Variants in GMDS observed in about 807,000 individuals in gnomAD.
The protein encoded by GMDS is GDP-mannose 4,6 dehydratase.
In GMDS, 20 loss-of-function variants were observed where a neutral mutation model predicts 49.9. The observed-to-expected ratio is 0.40, with a 90% CI of 0.28 to 0.58. GMDS has a LOEUF of 0.58. GMDS is among the 20% of genes least tolerant of loss of function. The pLI is 0.42. For missense variants in GMDS, 362 were observed against 481.4 expected, an observed-to-expected ratio of 0.75 and a Z score of 2.32; for synonymous variants, 177 against 178.6, an observed-to-expected ratio of 0.99 and a Z score of 0.07.
At chr6:2,158,844 C>A (rs992375829) in intron 1 of GMDS, among the ~76,000 whole-genome samples, 1 of 152,196 alleles carries the variant, frequency 6.6e-6, no homozygotes, top group African/African-American at 2.4e-5. Context: ...ACAGTGTCCA[C>A]GGTGGTTAAT....
intron 7 of GMDS, among the ~76,000 whole-genome samples, chr6:1,923,187 A>G (rs1202239972): frequency 6.6e-6 from 1 of 152,194 alleles, no homozygotes; most frequent in African/African-American, 2.4e-5. Flanking sequence ...TATCAGCAGC[A>G]TGAGAACGGA....
intron 4 of GMDS, among the ~76,000 whole-genome samples, chr6:2,066,483 A>G (rs1294663545): frequency 6.6e-6 from 1 of 151,648 alleles, no homozygotes; most frequent in Non-Finnish European, 1.5e-5. Context: ...AAATTGGATA[A>G]AGAGTCAAGA....
At chr6:2,244,637 C>A (rs939080743) in intron 1 of GMDS, among the ~76,000 whole-genome samples, 1 of 152,202 alleles carries the variant, frequency 6.6e-6, no homozygotes, top group Non-Finnish European at 1.5e-5. Context: ...CCTTACTCGA[C>A]GAACTTATTC....
intron 1 of GMDS, among the ~76,000 whole-genome samples, chr6:2,240,602 A>C (rs1781568879): frequency 1.1e-5 from 1 of 88,136 alleles, no homozygotes; most frequent in Admixed American, 9.8e-5. Flanking sequence ...AGACTGTCTC[A>C]AAAAAAAAAA....
chr6:1,969,289 A>AAAAAAAAAAAAG lies in GMDS; in HGVS notation c.346-8324_346-8323insCTTTTTTTTTTT, dbSNP rs56095985. On this transcript the variant is annotated intron_variant, in intron 4 of 10. Transcript: ENST00000380815. ...AAAAAAAAAAAAAAAAAAAAAAAAAAAGAGAAAGAAAGAAAAAAAGAAATT... is the reference window on the plus strand; with the variant it reads ...AAAAAAAAAAAAAAAAAAAAAAAAAAAAAAAAAAAAAGAGAGAAAGAAAGAAAAAAAGAAATT... Among the ~76,000 whole-genome samples, 161 of 84,338 alleles carry AAAAAAAAAAAAG rather than the reference A, an allele frequency of 1.9e-3. 8 individuals are homozygous for AAAAAAAAAAAAG. The highest frequency in any genetic ancestry group is 2.8e-3 in the East Asian group (7 of 2,512). The allele number at this position is 84,338 out of a possible 152,430, so 55.3% of individuals were successfully genotyped here.
At chr6:2,039,873 T>C (rs1253944640) in intron 4 of GMDS, among the ~76,000 whole-genome samples, 1 of 152,168 alleles carries the variant, frequency 6.6e-6, no homozygotes, top group African/African-American at 2.4e-5. Context: ...CATAAACTAG[T>C]AGTATAGTCA....
intron 9 of GMDS, among the ~76,000 whole-genome samples, chr6:1,683,813 C>T (rs1764877980): frequency 6.6e-6 from 1 of 152,220 alleles, no homozygotes; most frequent in Non-Finnish European, 1.5e-5. Flanking sequence ...CAGGTAATCA[C>T]ACTGCACCTG....
chr6:2,161,231 G>T (rs57230788), intron 1 of GMDS, among the ~76,000 whole-genome samples: 2 of 151,660 alleles, frequency 1.3e-5, no homozygotes, highest in African/African-American at 2.4e-5. Context: ...GGATGGTCTC[G>T]ATCTCCTGAC....
chr6:1,885,244 T>C (rs555921848), intron 7 of GMDS, among the ~76,000 whole-genome samples: 1 of 152,210 alleles, frequency 6.6e-6, no homozygotes, highest in Non-Finnish European at 1.5e-5. Context: ...GAAATTAATT[T>C]ACAGCCTAGT....
At chr6:1,638,723 G>A (rs186551904) in intron 9 of GMDS, among the ~76,000 whole-genome samples, 5 of 152,238 alleles carry the variant, frequency 3.3e-5, no homozygotes, top group Admixed American at 1.3e-4. Context: ...TTCTATGAAA[G>A]GAACCCAAGT....
intron 6 of GMDS, among the ~76,000 whole-genome samples, chr6:1,931,409 ATACC>A (rs1762278924): frequency 6.6e-6 from 1 of 152,252 alleles, no homozygotes; most frequent in African/African-American, 2.4e-5. Flanking sequence ...ACGTACATTT[ATACC>A]TACACCATTA....
At chr6:2,235,839 A>C (rs1260755756) in intron 1 of GMDS, among the ~76,000 whole-genome samples, 4 of 151,850 alleles carry the variant, frequency 2.6e-5, no homozygotes, top group African/African-American at 9.7e-5. Flanking sequence ...AAGAAAAAAA[A>C]AAAAAGAGGA....
chr6:1,629,573 C>T (rs911191302), intron 9 of GMDS, among the ~76,000 whole-genome samples: 5 of 152,126 alleles, frequency 3.3e-5, no homozygotes, highest in Admixed American at 2.0e-4. Context: ...ACCATGGCCT[C>T]GTCCGTGGCC....
intron 9 of GMDS, among the ~76,000 whole-genome samples, chr6:1,685,811 G>A (rs970109922): frequency 6.6e-6 from 1 of 152,164 alleles, no homozygotes; most frequent in African/African-American, 2.4e-5. Flanking sequence ...GGAAAAGTAT[G>A]GCTGTTTCAC....
intron 4 of GMDS, among the ~76,000 whole-genome samples, chr6:2,055,878 C>G (rs1770748751): frequency 6.6e-6 from 1 of 152,118 alleles, no homozygotes. Flanking sequence ...ATGCTTAGCA[C>G]TGTCCCTGGC....
rs568941592 is a variant in GMDS, at chr6:1,920,108, G to A, written c.771+9995C>T. Among the ~76,000 whole-genome samples, 17 of 152,318 alleles carry A rather than the reference G, an allele frequency of 1.1e-4. No individual in the cohort carries two copies. In the East Asian group the frequency reaches 2.1e-3, roughly 19 times the overall value. ...AGATGTTTTCCAGCATGAAGTGAAC[G>A]GGGCTGAAAATAAAATGTGTTTCTT... On this transcript the variant is annotated intron_variant, in intron 7 of 10. Transcript: ENST00000380815.
intron 7 of GMDS, among the ~76,000 whole-genome samples, chr6:1,812,605 G>C (rs1770484190): frequency 6.6e-6 from 1 of 152,082 alleles, no homozygotes; most frequent in Admixed American, 6.5e-5. Flanking sequence ...AAGGGAGCAG[G>C]TCAGAGACAC....
chr6:2,230,796 A>G (rs1200209136), intron 1 of GMDS, among the ~76,000 whole-genome samples: 1 of 152,116 alleles, frequency 6.6e-6, no homozygotes, highest in Non-Finnish European at 1.5e-5. Context: ...TCTCCTTTTC[A>G]AGGTTTATAT....
Position 1,741,232 on chromosome 6 carries a change from G to T in GMDS, c.890+1236C>A, listed in dbSNP as rs12204430. Among the ~76,000 whole-genome samples, 515 of 152,148 alleles carry T rather than the reference G, an allele frequency of 3.4e-3. 1 individual carries two copies. The highest frequency in any genetic ancestry group is 5.8e-3 in the Non-Finnish European group (392 of 67,998). ...CCAGCTATTTTGACATATACAATAG[G>T]TATTGTTAACCTTAGACACCCTATT... On this transcript the variant is annotated intron_variant, in intron 8 of 10. Transcript: ENST00000380815.
Sources: gnomAD v4.1 joint callset for allele counts (sites outside exome capture counted in the v4.1 genomes callset) on GRCh38, gnomAD v4.1.1 for gene constraint, MANE v1.5 for transcripts, NCBI Gene and HGNC (gene_info 2026-07-23, HGNC 2026-07-21) for gene names.